The following LRFN2 variants were observed in gnomAD, a reference collection of about 807,000 sequenced individuals.
The protein encoded by LRFN2 is leucine rich repeat and fibronectin type III domain containing 2, also known as leucine-rich repeat and fibronectin type-III domain-containing protein 2.
A neutral mutation model predicts 37.3 loss-of-function variants in LRFN2; 18 were observed. That is an observed-to-expected ratio of 0.48 (90% CI 0.33 to 0.72). The LOEUF is 0.72. LRFN2 is among the 30% of genes least tolerant of loss of function. The pLI is 0.02. For missense variants in LRFN2, 1,006 were observed against 1,060.7 expected, an observed-to-expected ratio of 0.95 and a Z score of 0.72; for synonymous variants, 556 against 466.6, an observed-to-expected ratio of 1.19 and a Z score of -2.47.
chr6:40,399,249 G>A (rs564205051), intron 2 of LRFN2, among the ~76,000 whole-genome samples: 3 of 151,598 alleles, frequency 2.0e-5, no homozygotes, highest in Admixed American at 2.0e-4. Flanking sequence ...TCCAGCCTTG[G>A]ATGGGGATGG....
At chr6:40,579,472 G>A (rs1300498578) in intron 1 of LRFN2, among the ~76,000 whole-genome samples, 1 of 151,934 alleles carries the variant, frequency 6.6e-6, no homozygotes, top group Non-Finnish European at 1.5e-5. Context: ...TTGAGAGCCT[G>A]TTTCTTAAGC....
At chr6:40,534,863 C>G (rs566517970) in intron 1 of LRFN2, among the ~76,000 whole-genome samples, 1 of 152,132 alleles carries the variant, frequency 6.6e-6, no homozygotes. Context: ...CCAGGTGCCC[C>G]GCGCCCATCT....
chr6:40,478,202 A>G (rs1020070336), intron 1 of LRFN2, among the ~76,000 whole-genome samples: 5 of 151,970 alleles, frequency 3.3e-5, no homozygotes, highest in Admixed American at 3.3e-4. Flanking sequence ...TCCTGTCTCC[A>G]CCCCTGAGTT....
At chr6:40,478,839 T>G (rs1363216124) in intron 1 of LRFN2, among the ~76,000 whole-genome samples, 1 of 152,220 alleles carries the variant, frequency 6.6e-6, no homozygotes, top group East Asian at 1.9e-4. Flanking sequence ...TACATTTAAT[T>G]TGGAACCAGC....
intron 1 of LRFN2, among the ~76,000 whole-genome samples, chr6:40,452,783 C>T (rs1764141599): frequency 6.6e-6 from 1 of 151,952 alleles, no homozygotes; most frequent in Non-Finnish European, 1.5e-5. Context: ...CCTTAGCACA[C>T]AGAGAGGAGG....
chr6:40,568,172 C>G (rs915718345), intron 1 of LRFN2, among the ~76,000 whole-genome samples: 2 of 152,196 alleles, frequency 1.3e-5, no homozygotes, highest in African/African-American at 4.8e-5. Context: ...ATAACTAAGC[C>G]TCAGTCAAGG....
At chr6:40,541,404 A>G (rs1181779888) in intron 1 of LRFN2, among the ~76,000 whole-genome samples, 1 of 152,244 alleles carries the variant, frequency 6.6e-6, no homozygotes, top group African/African-American at 2.4e-5. Context: ...CAGCTGAGCC[A>G]GGTGGAATGT....
chr6:40,423,606 C>A (rs1196091032), intron 2 of LRFN2, among the ~76,000 whole-genome samples: 1 of 152,206 alleles, frequency 6.6e-6, no homozygotes, highest in Non-Finnish European at 1.5e-5. Flanking sequence ...GATGTGCTAC[C>A]TGCCTTCCTA....
intron 1 of LRFN2, among the ~76,000 whole-genome samples, chr6:40,445,017 A>G (rs545565476): frequency 2.0e-5 from 3 of 150,784 alleles, no homozygotes; most frequent in Non-Finnish European, 4.4e-5. Context: ...TCACCCCCCC[A>G]GGGACCTGCT....
chr6:40,432,547 G>C lies in LRFN2; in HGVS notation c.567C>G (p.Ala189=), dbSNP rs770319870. The C allele has an allele frequency of 6.2e-7, 1 of 1,614,250 alleles. No individual in the cohort carries two copies. The highest frequency in any genetic ancestry group is 8.5e-7 in the Non-Finnish European group (1 of 1,180,048). The change falls in exon 2 of 3, where the codon GCC becomes GCG. Residue 189 remains alanine, a synonymous_variant. Coordinates refer to ENST00000338305, the MANE Select transcript of LRFN2 (RefSeq NM_020737.3). The stretch of plus-strand genomic sequence containing the variant: ...TCTGCAGGTCTGCAAAGGTGCCCTC[G>C]GCGATGTGATCCAGCAGGTTGTGGT... The part of the protein sequence containing the change: ...SLDHNLLDHI[A]EGTFADLQKL...
At chr6:40,455,854 T>G (rs2113846535) in intron 1 of LRFN2, among the ~76,000 whole-genome samples, 1 of 152,330 alleles carries the variant, frequency 6.6e-6, no homozygotes, top group Non-Finnish European at 1.5e-5. Context: ...GACTTTAAGT[T>G]AATCATAAGG....
chr6:40,481,486 T>A (rs1052652282), intron 1 of LRFN2, among the ~76,000 whole-genome samples: 4 of 149,718 alleles, frequency 2.7e-5, no homozygotes, highest in African/African-American at 9.8e-5. Flanking sequence ...AAGAAAACCA[T>A]TTACTGAAAA....
chr6:40,432,348 G>C lies in LRFN2; in HGVS notation c.766C>G (p.Leu256Val), dbSNP rs781575232. The change falls in exon 2 of 3, where the codon CTC (leucine) becomes GTC (valine). Residue 256 changes from leucine to valine, a missense_variant. Leu to Val is a conservative substitution (Grantham distance 32). Around this residue, in one of 4 missense-constraint regions of LRFN2, gnomAD observed 303 missense variants for 299.8 expected, o/e 1.01. Transcript: ENST00000338305. ...CNCELLWLRR[L>V]ERDDDLETCG... is the part of the protein sequence containing the mutation. The stretch of plus-strand genomic sequence containing the variant: ...GTTTCCAGGTCATCGTCCCGCTCGA[G>C]CCTCCGCAGCCAGAGAAGCTCACAA... 6 of 1,614,178 alleles carry C rather than the reference G, an allele frequency of 3.7e-6. No individual in the cohort carries two copies. The highest frequency in any genetic ancestry group is 3.3e-5 in the South Asian group (3 of 91,086).
intron 1 of LRFN2, among the ~76,000 whole-genome samples, chr6:40,519,208 A>G (rs1036895755): frequency 1.3e-5 from 2 of 152,212 alleles, no homozygotes; most frequent in Non-Finnish European, 2.9e-5. Context: ...AATCAATACA[A>G]TATGTGCTGA....
rs557333010 is a variant in LRFN2, at chr6:40,428,362, C to A, written c.1400+3352G>T. 6.8e-4 allele frequency among the ~76,000 whole-genome samples: 103 copies of A among 152,370 alleles called. 1 individual carries two copies. The highest frequency in any genetic ancestry group is 3.4e-3 in the Middle Eastern group (1 of 294). ...GCTGCATTTAGCTTTCTCTGTACAG[C>A]ATGTGCTCCTCTTTAATACTCATCT... On this transcript the variant is annotated intron_variant, in intron 2 of 2. Coordinates refer to ENST00000338305, the MANE Select transcript of LRFN2 (RefSeq NM_020737.3).
intron 2 of LRFN2, among the ~76,000 whole-genome samples, chr6:40,405,972 G>A (rs1762836736): frequency 6.6e-6 from 1 of 152,170 alleles, no homozygotes; most frequent in African/African-American, 2.4e-5. Flanking sequence ...CAAGGACTTG[G>A]GAAAGTCGCA....
intron 1 of LRFN2, among the ~76,000 whole-genome samples, chr6:40,495,721 C>A (rs1187070616): frequency 6.6e-6 from 1 of 152,170 alleles, no homozygotes; most frequent in Non-Finnish European, 1.5e-5. Context: ...TTTCCAGCCT[C>A]CTTTGCCAGC....
chr6:40,499,565 A>T (rs551553168), intron 1 of LRFN2, among the ~76,000 whole-genome samples: 3 of 152,232 alleles, frequency 2.0e-5, no homozygotes, highest in Non-Finnish European at 2.9e-5. Context: ...ATTGGAGTGG[A>T]TTTAGGGCTT....
chr6:40,457,081 C>T (rs1007876871), intron 1 of LRFN2, among the ~76,000 whole-genome samples: 1 of 152,066 alleles, frequency 6.6e-6, no homozygotes, highest in Non-Finnish European at 1.5e-5. Flanking sequence ...CTGTTCTCTC[C>T]TCCTCCTCTT....
Sources: allele counts gnomAD v4.1 joint callset (sites outside exome capture counted in the v4.1 genomes callset), GRCh38; gene constraint gnomAD v4.1.1; regional missense constraint gnomAD v4.1.1; transcripts MANE v1.5; gene names NCBI Gene and HGNC (gene_info 2026-07-23, HGNC 2026-07-21).